The following TBL1X variants were observed in gnomAD, a reference collection of about 807,000 sequenced individuals.
The protein encoded by TBL1X is F-box-like/WD repeat-containing protein TBL1X.
Under a neutral mutation model 50.7 loss-of-function variants are expected in TBL1X, and 10 were observed. The ratio of observed to expected loss-of-function variants is 0.20; its 90% CI spans 0.12 to 0.33. TBL1X has a LOEUF of 0.33. Among genes scored for constraint, TBL1X ranks in the 10% least tolerant of loss-of-function variants. The pLI is 1.00. For missense variants in TBL1X, 340 were observed against 504.4 expected (o/e 0.67, Z 3.12); for synonymous variants, 190 against 214.7 (o/e 0.88, Z 1.01).
intron 2 of TBL1X, among the ~76,000 whole-genome samples, chrX:9,531,360 T>TGC (rs1387786874): frequency 3.5e-5 from 3 of 85,538 alleles, no homozygotes; most frequent in South Asian, 5.3e-4. Context: ...GGAGGGTGTG[T>TGC]GTGTGTGTGT....
intron 13 of TBL1X, among the ~76,000 whole-genome samples, chrX:9,706,411 G>T (rs941838904): frequency 9.0e-6 from 1 of 110,914 alleles, no homozygotes; most frequent in Admixed American, 9.6e-5. Flanking sequence ...TAAATTTGGT[G>T]GAAAACATCA....
At chrX:9,537,866 C>A (rs2082196654) in intron 2 of TBL1X, among the ~76,000 whole-genome samples, 1 of 112,240 alleles carries the variant, frequency 8.9e-6, no homozygotes. Flanking sequence ...CCTGATAGCC[C>A]TGAGGACCTA....
Position 9,674,628 on chromosome X carries a change from C to G in TBL1X, c.212-9415C>G, listed in dbSNP as rs747890099. On this transcript the variant is annotated intron_variant, in intron 5 of 17. Transcript: ENST00000645353. ...CCAGGCTGGAGTGCAGTGGCACAAT[C>G]ATGGCTCACCGTAGCCTCAGCCTCC... Among the ~76,000 whole-genome samples, 7 of 86,038 alleles carry G rather than the reference C, an allele frequency of 8.1e-5. No homozygotes were observed. The South Asian group carries it at 4.1e-3, about 50-fold the overall frequency. The allele number at this position is 86,038 out of a possible 115,157, so 74.7% of individuals were successfully genotyped here. A position where few individuals can be genotyped will look rare whatever the true frequency, so the allele number is the denominator to read the frequency against.
At chrX:9,492,207 G>A in intron 1 of TBL1X, among the ~76,000 whole-genome samples, 2 of 111,817 alleles carry the variant, frequency 1.8e-5, no homozygotes, top group African/African-American at 6.5e-5. Flanking sequence ...GACGCTTAGT[G>A]GTTTGTGGGA....
chrX:9,496,516 T>C (rs1266772256), intron 1 of TBL1X, among the ~76,000 whole-genome samples: 1 of 112,986 alleles, frequency 8.9e-6, no homozygotes, highest in East Asian at 2.8e-4. Context: ...GCACCCACAT[T>C]AGATTGAACC....
intron 1 of TBL1X, among the ~76,000 whole-genome samples, chrX:9,480,206 G>A (rs1246723418): frequency 8.9e-6 from 1 of 111,840 alleles, no homozygotes; most frequent in Non-Finnish European, 1.9e-5. Flanking sequence ...TACCCGCCTC[G>A]GCCTCCCAAA....
intron 4 of TBL1X, 117 bp downstream of exon 4, chrX:9,653,806 C>A: frequency 1.6e-6 from 1 of 642,844 alleles, no homozygotes; most frequent in Non-Finnish European, 2.3e-6. Flanking sequence ...AGTGTTGAAT[C>A]CCTCCACGTC....
chrX:9,560,043 A>G (rs1161837395), intron 2 of TBL1X, among the ~76,000 whole-genome samples: 2 of 111,765 alleles, frequency 1.8e-5, no homozygotes, highest in Non-Finnish European at 3.8e-5. Flanking sequence ...TCAGCTGCAT[A>G]ACCTAGATAT....
intron 5 of TBL1X, among the ~76,000 whole-genome samples, chrX:9,658,665 T>A (rs994695784): frequency 1.8e-5 from 2 of 111,790 alleles, no homozygotes; most frequent in Non-Finnish European, 3.8e-5. Flanking sequence ...ATTAAATAAT[T>A]CACAGGAACT....
chrX:9,559,792 TGAAAAC>T (rs1261602813), intron 2 of TBL1X, among the ~76,000 whole-genome samples: 1 of 111,973 alleles, frequency 8.9e-6, no homozygotes, highest in Non-Finnish European at 1.9e-5. Flanking sequence ...AAGCAGGAAA[TGAAAAC>T]GAAGTATTTG....
At chrX:9,667,891 G>A (rs1415534080) in intron 5 of TBL1X, among the ~76,000 whole-genome samples, 1 of 111,417 alleles carries the variant, frequency 9.0e-6, no homozygotes, top group African/African-American at 3.3e-5. Context: ...AATATCTAAT[G>A]TTTTAAACCT....
intron 5 of TBL1X, among the ~76,000 whole-genome samples, chrX:9,673,546 A>G (rs1283651536): frequency 8.9e-6 from 1 of 112,490 alleles, no homozygotes; most frequent in Non-Finnish European, 1.9e-5. Context: ...GCTGGGATTC[A>G]GAACACCATC....
intron 1 of TBL1X, among the ~76,000 whole-genome samples, chrX:9,466,243 T>C (rs2081773665): frequency 8.9e-6 from 1 of 112,436 alleles, no homozygotes; most frequent in South Asian, 3.6e-4. Context: ...TCCCTAACGA[T>C]GGGACCGGTG....
chrX:9,496,996 T>C (rs900878360), intron 1 of TBL1X, among the ~76,000 whole-genome samples: 15 of 111,981 alleles, frequency 1.3e-4, no homozygotes, highest in African/African-American at 4.6e-4. Flanking sequence ...CAAGGACAGA[T>C]GACACACTTA....
chrX:9,626,294 T>C (rs2082692533), intron 2 of TBL1X, among the ~76,000 whole-genome samples: 1 of 111,996 alleles, frequency 8.9e-6, no homozygotes, highest in Admixed American at 9.4e-5. Flanking sequence ...CCCTAGTAGT[T>C]TGGAAATTCT....
intron 2 of TBL1X, among the ~76,000 whole-genome samples, chrX:9,517,937 C>T (rs1303051089): frequency 9.1e-6 from 1 of 110,413 alleles, no homozygotes; most frequent in Non-Finnish European, 1.9e-5. Context: ...AAGACCTTGT[C>T]TCTAAAAATA....
At chrX:9,608,676 G>A (rs1466817121) in intron 2 of TBL1X, among the ~76,000 whole-genome samples, 2 of 112,292 alleles carry the variant, frequency 1.8e-5, no homozygotes, top group African/African-American at 6.5e-5. Flanking sequence ...CAGTCAAAGT[G>A]GTTTTTGTCG....
In TBL1X at chrX:9,693,313, T is replaced by C; in HGVS notation, c.956-9T>C. On this transcript the variant is annotated splice_polypyrimidine_tract_variant and intron_variant, in intron 10 of 17. Transcript: ENST00000645353. ...ACATTGAGGTCAACATGTTTGTTTT[T>C]ACTAACAGGTAACCTGGCCAGCACC... 1 of 1,211,019 alleles carries C rather than the reference T, an allele frequency of 8.3e-7. No individual in the cohort carries two copies. The highest frequency in any genetic ancestry group is 1.8e-5 in the South Asian group (1 of 56,924).
intron 3 of TBL1X, among the ~76,000 whole-genome samples, chrX:9,651,108 G>A (rs753108840): frequency 2.2e-5 from 2 of 92,079 alleles, no homozygotes; most frequent in Non-Finnish European, 4.1e-5. Flanking sequence ...GCTCACTGCA[G>A]CCTCGACTTC....
Sources: allele counts gnomAD v4.1 joint callset (sites outside exome capture counted in the v4.1 genomes callset), GRCh38; gene constraint gnomAD v4.1.1; transcripts MANE v1.5; gene names NCBI Gene and HGNC (gene_info 2026-07-23, HGNC 2026-07-21).